PCDH1: variants seen among roughly 807,000 people sequenced by gnomAD.
The protein encoded by PCDH1 is protocadherin 1.
A neutral mutation model predicts 74.6 loss-of-function variants in PCDH1; 23 were observed. The observed-to-expected ratio is 0.31, with a 90% CI of 0.22 to 0.44. PCDH1 has a LOEUF of 0.44. PCDH1 is among the 20% of genes least tolerant of loss of function. The probability of loss-of-function intolerance (pLI) is 1.00; values close to 1 mark genes in which losing one functional copy is unlikely to be tolerated. For synonymous variants in PCDH1, 647 were observed against 686.1 expected (o/e 0.94, Z 0.89); for missense variants, 1,214 against 1,641.4 (o/e 0.74, Z 4.50).
chr5:141,868,682 C>T lies in PCDH1; in HGVS notation c.790G>A (p.Ala264Thr), dbSNP rs1285262238. The T allele has an allele frequency of 2.5e-6, 4 of 1,613,230 alleles. No individual in the cohort carries two copies. The South Asian group carries it at 4.4e-5, about 18-fold the overall frequency. Reference sequence around the variant, plus strand: ...TCAAGCACGGTGACACGCAGCAGGGCACTGCTGGCGCGTGGGGGGCTGCCG... The same window carrying T: ...TCAAGCACGGTGACACGCAGCAGGGTACTGCTGGCGCGTGGGGGGCTGCCG... ...DGGSPPRASS[A>T]LLRVTVLDTN... Residue 264 changes from alanine (A) to threonine (T), a missense_variant, in exon 2 of 5, where the codon GCC becomes ACC. Coordinates refer to ENST00000287008, the MANE Select transcript of PCDH1 (RefSeq NM_032420.5). The surrounding 1 kb of genome is among the most constrained non-coding windows in gnomAD (Gnocchi z 4.8).
intron 3 of PCDH1, among the ~76,000 whole-genome samples, chr5:141,861,240 G>A (rs1012001756): frequency 3.3e-5 from 5 of 151,674 alleles, no homozygotes; most frequent in South Asian, 2.1e-4. Context: ...TTGCCTCATC[G>A]TTCACTTGTC....
In PCDH1 at chr5:141,868,388, A is replaced by C. The variant is rs564727654; in HGVS notation, c.903+181T>G. 10 of 1,371,860 alleles carry C rather than the reference A, an allele frequency of 7.3e-6. No homozygotes were observed. The African/African-American group carries it at 1.5e-4, about 20-fold the overall frequency. The allele number at this position is 1,371,860 out of a possible 1,614,324, so 85.0% of individuals were successfully genotyped here. ...TCACCTAAGTAGCCTGATAGAGGAA[A>C]GTAATATCACCTGCTGGGGTGGGGT... On this transcript the variant is annotated intron_variant, in intron 2 of 4. Coordinates refer to ENST00000287008, the MANE Select transcript of PCDH1 (RefSeq NM_032420.5). This position sits in a 1 kb window ranked among gnomAD's most constrained non-coding sequence, Gnocchi z 4.8.
chr5:141,867,676 G>A (rs1752908453), intron 2 of PCDH1: 1 of 432,688 alleles, frequency 2.3e-6, no homozygotes, highest in Non-Finnish European at 4.5e-6. Flanking sequence ...GAGGACCCAG[G>A]ACTAAGGGTT....
rs780597680 is a variant in PCDH1, at chr5:141,853,992, G to C, written c.*50C>G. Reference sequence around the variant, plus strand: ...AGTGAGGCCCTGGAATGGGCCATTTGGGAGCTGGCCGGCGGCTGGGGGAGG... The same window carrying C: ...AGTGAGGCCCTGGAATGGGCCATTTCGGAGCTGGCCGGCGGCTGGGGGAGG... On this transcript the variant is annotated 3_prime_UTR_variant, in exon 5 of 5. Coordinates refer to ENST00000287008, the MANE Select transcript of PCDH1 (RefSeq NM_032420.5). 2.6e-5 allele frequency: 38 copies of C among 1,443,088 alleles called. 1 individual carries two copies. In the East Asian group the frequency reaches 9.1e-4, roughly 35 times the overall value. 89.4% of individuals were successfully genotyped at this position (1,443,088 alleles called of 1,614,324 possible).
At chr5:141,862,081 A>G (rs974077946) in intron 3 of PCDH1, among the ~76,000 whole-genome samples, 1 of 152,148 alleles carries the variant, frequency 6.6e-6, no homozygotes, top group Non-Finnish European at 1.5e-5. Flanking sequence ...GCTGGTGATC[A>G]TGGTGGGGAG....
At chr5:141,875,882 C>T (rs1027384873) in intron 1 of PCDH1, among the ~76,000 whole-genome samples, 1 of 152,112 alleles carries the variant, frequency 6.6e-6, no homozygotes, top group Non-Finnish European at 1.5e-5. Context: ...CCCACCTACT[C>T]CCGCGCCCCC....
Position 141,868,862 on chromosome 5 carries a change from A to T in PCDH1, c.610T>A (p.Ser204Thr). ...TCAGGCCCAGCCTGCAGCTCATAGG[A>T]TGCCACACCGTTGGGACCAGCATCA... ...DRDAGPNGVASYELQAGPEAQ... is the reference protein window; with the variant it reads ...DRDAGPNGVATYELQAGPEAQ... The change falls in exon 2 of 5, where the codon TCC becomes ACC. Residue 204 changes from serine to threonine, a missense_variant. Ser to Thr is a moderately conservative substitution (Grantham distance 58). Transcript: ENST00000287008. This position sits in a 1 kb window ranked among gnomAD's most constrained non-coding sequence, Gnocchi z 4.8. The T allele has an allele frequency of 6.2e-7, 1 of 1,614,210 alleles. No homozygotes were observed. Among genetic ancestry groups the T allele is most frequent in the Middle Eastern group, 1.6e-4 (1 of 6,062 alleles).
chr5:141,860,309 T>A (rs1442990452), intron 3 of PCDH1, among the ~76,000 whole-genome samples: 3 of 151,888 alleles, frequency 2.0e-5, no homozygotes, highest in Non-Finnish European at 4.4e-5. Context: ...GCCCAGGAGT[T>A]GAGACCAGCC....
In PCDH1 at chr5:141,869,231, A is replaced by G. The variant is rs750790709; in HGVS notation, c.241T>C (p.Tyr81His). ...NTLIGSLAAD[Y>H]GFPDVGHLYK... ...AGGTGCCCCACATCTGGAAAACCATAGTCGGCTGCGAGGCTCCCAATGAGG... is the reference window on the plus strand; with the variant it reads ...AGGTGCCCCACATCTGGAAAACCATGGTCGGCTGCGAGGCTCCCAATGAGG... Residue 81 changes from tyrosine to histidine, a missense_variant, in exon 2 of 5, where the codon TAT becomes CAT. Transcript: ENST00000287008. The surrounding 1 kb of genome is among the most constrained non-coding windows in gnomAD (Gnocchi z 4.9). 23 of 1,613,608 alleles carry G rather than the reference A, an allele frequency of 1.4e-5. No individual in the cohort carries two copies.
At position 141,864,876 on chromosome 5, in the gene PCDH1, T is replaced by C. The variant is rs766946650; in HGVS notation, c.1455A>G (p.Pro485=). 2 of 1,613,782 alleles carry C rather than the reference T, an allele frequency of 1.2e-6. No individual in the cohort carries two copies. Among genetic ancestry groups the C allele is most frequent in the Middle Eastern group, 1.6e-4 (1 of 6,062 alleles). Residue 485 remains proline (P), a synonymous_variant, in exon 3 of 5, where the codon CCA becomes CCG. Coordinates refer to ENST00000287008, the MANE Select transcript of PCDH1 (RefSeq NM_032420.5). This position sits in a 1 kb window ranked among gnomAD's most constrained non-coding sequence, Gnocchi z 5.9. ...EIVAVDSGNP[P]LSSTNSLKVQ... ...CCTTGAGGGAGTTAGTGCTGGAGAG[T>C]GGGGGGTTGCCAGAGTCCACAGCCA...
intron 4 of PCDH1, among the ~76,000 whole-genome samples, chr5:141,855,418 T>G (rs1752298203): frequency 1.3e-5 from 2 of 152,052 alleles, no homozygotes; most frequent in Admixed American, 1.3e-4. Flanking sequence ...TGCAAATCTA[T>G]CCTCAGGTGG....
At chr5:141,867,155 CCT>C (rs1219409604) in intron 2 of PCDH1, among the ~76,000 whole-genome samples, 2 of 152,250 alleles carry the variant, frequency 1.3e-5, no homozygotes, top group African/African-American at 2.4e-5. Context: ...TCTTGTCTTA[CCT>C]CTCTTTGTCT....
At chr5:141,867,696 G>A in intron 2 of PCDH1, 1 of 422,324 alleles carries the variant, frequency 2.4e-6, no homozygotes. Flanking sequence ...TTTCCAGGAT[G>A]GGTAATGGTG....
At position 141,868,003 on chromosome 5, in the gene PCDH1, A is replaced by G. The variant is rs1752924895; in HGVS notation, c.903+566T>C. On this transcript the variant is annotated intron_variant, in intron 2 of 4. Transcript: ENST00000287008. This position sits in a 1 kb window ranked among gnomAD's most constrained non-coding sequence, Gnocchi z 4.8. ...AGCACCCCACATCTATGGGCACCCC[A>G]TGCCTAGGGGAGGAGGCATGTATAC... Among the ~76,000 whole-genome samples, 2 of 152,194 alleles carry G rather than the reference A, an allele frequency of 1.3e-5. No individual in the cohort carries two copies. Among genetic ancestry groups the G allele is most frequent in the African/African-American group, 4.8e-5 (2 of 41,450 alleles).
At position 141,865,775 on chromosome 5, in the gene PCDH1, G is replaced by A. The variant is rs949809851; in HGVS notation, c.904-348C>T. On this transcript the variant is annotated intron_variant, in intron 2 of 4. Transcript: ENST00000287008. The surrounding 1 kb of genome is among the most constrained non-coding windows in gnomAD (Gnocchi z 4.4). The stretch of plus-strand genomic sequence containing the variant: ...AGAGGATGAGGATCCAATAGAACTA[G>A]GGAAGCCATTTCACCAATGAACCCT... Among the ~76,000 whole-genome samples, 4 of 152,318 alleles carry A rather than the reference G, an allele frequency of 2.6e-5. No individual in the cohort carries two copies. In the East Asian group the frequency reaches 7.7e-4, roughly 29 times the overall value.
In PCDH1 at chr5:141,869,117, C is replaced by T. The variant is rs1351434822; in HGVS notation, c.355G>A (p.Gly119Arg). The stretch of plus-strand genomic sequence containing the variant: ...AGCTGGTTCTGGCATTCACGGAGCC[C>T]CTCACGGTCGATGGAGGTCTCGGTG... The part of the protein sequence containing the change: ...FTTETSIDRE[G>R]LRECQNQLPG... Residue 119 changes from glycine to arginine, a missense_variant, in exon 2 of 5, where the codon GGG becomes AGG. Gly to Arg is a moderately radical substitution (Grantham distance 125). This residue lies in a region of PCDH1 where 97 missense variants were observed against 173.2 expected (regional missense o/e 0.56). Transcript: ENST00000287008. The surrounding 1 kb of genome is among the most constrained non-coding windows in gnomAD (Gnocchi z 4.9). 1 of 1,613,920 alleles carries T rather than the reference C, an allele frequency of 6.2e-7. No individual in the cohort carries two copies. The highest frequency in any genetic ancestry group is 8.5e-7 in the Non-Finnish European group (1 of 1,179,972).
chr5:141,876,447 A>G (rs1421046951), intron 1 of PCDH1, among the ~76,000 whole-genome samples: 1 of 152,182 alleles, frequency 6.6e-6, no homozygotes, highest in Admixed American at 6.5e-5. Flanking sequence ...GAACCCGGCT[A>G]GGCGGGGACA....
intron 1 of PCDH1, among the ~76,000 whole-genome samples, chr5:141,875,154 T>C (rs1753188606): frequency 6.6e-6 from 1 of 152,206 alleles, no homozygotes; most frequent in African/African-American, 2.4e-5. Flanking sequence ...ATAAGGTCTA[T>C]TACATTAAGG....
In PCDH1 at chr5:141,865,823, G is replaced by A. The variant is rs1752800761; in HGVS notation, c.904-396C>T. Among the ~76,000 whole-genome samples, 1 of 152,252 alleles carries A rather than the reference G, an allele frequency of 6.6e-6. No individual in the cohort carries two copies. Among genetic ancestry groups the A allele is most frequent in the Non-Finnish European group, 1.5e-5 (1 of 68,052 alleles). Reference sequence around the variant, plus strand: ...CCTGCCTGAACCCTCCTGAAGAGATGGAGAGGTGCGAGTAGTAGAGGCGGT... The same window carrying A: ...CCTGCCTGAACCCTCCTGAAGAGATAGAGAGGTGCGAGTAGTAGAGGCGGT... On this transcript the variant is annotated intron_variant, in intron 2 of 4. Transcript: ENST00000287008. This position sits in a 1 kb window ranked among gnomAD's most constrained non-coding sequence, Gnocchi z 4.4.
Sources: allele counts gnomAD v4.1 joint callset (sites outside exome capture counted in the v4.1 genomes callset), GRCh38; gene constraint gnomAD v4.1.1; regional missense constraint gnomAD v4.1.1; non-coding constraint Gnocchi (gnomAD v3.1); transcripts MANE v1.5; gene names NCBI Gene and HGNC (gene_info 2026-07-23, HGNC 2026-07-21).